SLIT2: variants seen among roughly 807,000 people sequenced by gnomAD.
SLIT2 encodes slit homolog 2 protein.
In SLIT2, 41 loss-of-function variants were observed where a neutral mutation model predicts 185.7. The ratio of observed to expected loss-of-function variants is 0.22; its 90% CI spans 0.17 to 0.29. SLIT2 has a LOEUF of 0.29. SLIT2 is among the 10% of genes least tolerant of loss of function. SLIT2 has a pLI of 1.00. For missense variants in SLIT2, 1,571 were observed against 1,909.0 expected (o/e 0.82, Z 3.30); for synonymous variants, 693 against 680.2 (o/e 1.02, Z -0.29).
At chr4:20,445,670 A>G (rs1270081501) in intron 4 of SLIT2, among the ~76,000 whole-genome samples, 1 of 152,204 alleles carries the variant, frequency 6.6e-6, no homozygotes, top group Middle Eastern at 3.2e-3. Flanking sequence ...ATATTTTTCC[A>G]AGAAAGTGTC....
In SLIT2 at chr4:20,549,074, G is replaced by A. The variant is rs149231040; in HGVS notation, c.2435G>A (p.Arg812His). The A allele has an allele frequency of 4.0e-4, 635 of 1,598,436 alleles. No individual in the cohort carries two copies. Among genetic ancestry groups the A allele is most frequent in the Non-Finnish European group, 5.1e-4 (599 of 1,166,432 alleles). ...QLLTLILSYN[R>H]LRCIPPRTFD... ...GCTTTCAGAATTCTTAGTTACAACC[G>A]TCTGAGATGTATTCCTCCTCGCACC... is the stretch of plus-strand genomic sequence containing the variant. The change falls in exon 24 of 37, where the codon CGT becomes CAT. Residue 812 changes from arginine to histidine, a missense_variant. This residue lies in a region of SLIT2 where 1,202 missense variants were observed against 1,416.4 expected (regional missense o/e 0.85). Coordinates refer to ENST00000504154, the MANE Select transcript of SLIT2 (RefSeq NM_004787.4).
At chr4:20,345,537 C>CTTTTTTTTTTTT (rs149402460) in intron 4 of SLIT2, among the ~76,000 whole-genome samples, 11 of 112,312 alleles carry the variant, frequency 9.8e-5, no homozygotes, top group Non-Finnish European at 1.7e-4. Context: ...TTCCTTTTTT[C>CTTTTTTTTTTTT]TTTTTTCTTT....
chr4:20,254,866 C>T lies in SLIT2; in HGVS notation c.179+872C>T, dbSNP rs1169292360. On this transcript the variant is annotated intron_variant, in intron 1 of 36. Coordinates refer to ENST00000504154, the MANE Select transcript of SLIT2 (RefSeq NM_004787.4). The surrounding 1 kb of genome is among the most constrained non-coding windows in gnomAD (Gnocchi z 5.1). ...CGCCCCTTCACGTGGCAGCAGTTCC[C>T]CTGCCTTCCCCTCTTCGCGCTCCGT... 1 of 453,664 alleles carries T rather than the reference C, an allele frequency of 2.2e-6. No homozygotes were observed. The highest frequency in any genetic ancestry group is 1.6e-5 in the South Asian group (1 of 64,170). The allele number at this position is 453,664 out of a possible 1,614,324, so 28.1% of individuals were successfully genotyped here.
chr4:20,562,598 G>C (rs1353490074), intron 26 of SLIT2, among the ~76,000 whole-genome samples: 1 of 151,676 alleles, frequency 6.6e-6, no homozygotes, highest in Non-Finnish European at 1.5e-5. Flanking sequence ...ACTTGTCTTT[G>C]GTCTCTGAAA....
chr4:20,522,683 TA>T (rs1720939524), intron 12 of SLIT2, among the ~76,000 whole-genome samples: 1 of 151,590 alleles, frequency 6.6e-6, no homozygotes, highest in Admixed American at 6.6e-5. Context: ...ATATAATACA[TA>T]GGGGAAAAAG....
At chr4:20,499,811 G>A (rs1180712471) in intron 9 of SLIT2, among the ~76,000 whole-genome samples, 2 of 152,080 alleles carry the variant, frequency 1.3e-5, no homozygotes, top group East Asian at 3.9e-4. Flanking sequence ...TATATGTAAA[G>A]ATATGCAAGT....
At chr4:20,258,817 A>C (rs1335598986) in intron 3 of SLIT2, among the ~76,000 whole-genome samples, 1 of 151,744 alleles carries the variant, frequency 6.6e-6, no homozygotes, top group African/African-American at 2.4e-5. Context: ...TATTTTAATA[A>C]GTTTTCATGC....
chr4:20,387,701 G>A (rs1345388906), intron 4 of SLIT2, among the ~76,000 whole-genome samples: 1 of 152,104 alleles, frequency 6.6e-6, no homozygotes, highest in Non-Finnish European at 1.5e-5. Flanking sequence ...CAAAAAGAGA[G>A]GCCTCTGAGA....
At position 20,268,828 on chromosome 4, in the gene SLIT2, C is replaced by T. The variant is rs751011141; in HGVS notation, c.342C>T (p.His114=). 2 of 1,610,782 alleles carry T rather than the reference C, an allele frequency of 1.2e-6. No individual in the cohort carries two copies. The highest frequency in any genetic ancestry group is 1.3e-5 in the African/African-American group (1 of 74,750). The change falls in exon 4 of 37, where the codon CAC becomes CAT. Residue 114 remains histidine, a synonymous_variant. Transcript: ENST00000504154. ...TCAAAAGGCGTTTAAACAGAAATCACCTTCAGCTGTTTCCTGAGTTGCTGT... is the reference window on the plus strand; with the variant it reads ...TCAAAAGGCGTTTAAACAGAAATCATCTTCAGCTGTTTCCTGAGTTGCTGT... ...ELERLRLNRN[H]LQLFPELLFL... is the part of the protein sequence containing the mutation.
chr4:20,605,550 G>C (rs182406459), intron 33 of SLIT2, among the ~76,000 whole-genome samples: 54 of 152,202 alleles, frequency 3.5e-4, no homozygotes, highest in African/African-American at 1.3e-3. Context: ...TGGTGAAAGA[G>C]AGTTTATCAA....
chr4:20,538,430 T>C (rs1191962092), intron 18 of SLIT2, among the ~76,000 whole-genome samples: 1 of 136,208 alleles, frequency 7.3e-6, no homozygotes, highest in Non-Finnish European at 1.6e-5. Flanking sequence ...ATCTTATCTG[T>C]GACTTCGCAG....
chr4:20,591,061 G>C (rs953824366), intron 30 of SLIT2, among the ~76,000 whole-genome samples: 2 of 152,178 alleles, frequency 1.3e-5, no homozygotes, highest in African/African-American at 4.8e-5. Flanking sequence ...AGCATTATCT[G>C]TTCCTTCAAG....
chr4:20,581,166 A>G (rs534672477), intron 29 of SLIT2, among the ~76,000 whole-genome samples: 1 of 152,232 alleles, frequency 6.6e-6, no homozygotes, highest in South Asian at 2.1e-4. Context: ...ATTCCTGCCA[A>G]GGATTGTGAG....
intron 6 of SLIT2, among the ~76,000 whole-genome samples, chr4:20,481,557 A>G (rs1046002900): frequency 2.6e-5 from 4 of 152,122 alleles, no homozygotes; most frequent in Non-Finnish European, 5.9e-5. Context: ...ACCAATTAAA[A>G]TATTTTTCTC....
intron 4 of SLIT2, among the ~76,000 whole-genome samples, chr4:20,398,568 A>G (rs755736428): frequency 6.6e-6 from 1 of 151,740 alleles, no homozygotes; most frequent in African/African-American, 2.4e-5. Flanking sequence ...ACTCTCTTTT[A>G]TCATCGCAGG....
intron 4 of SLIT2, among the ~76,000 whole-genome samples, chr4:20,400,518 A>G (rs1325633143): frequency 6.6e-6 from 1 of 151,756 alleles, no homozygotes; most frequent in Non-Finnish European, 1.5e-5. Context: ...AGGGGAGTTC[A>G]TAAGTTGAGC....
At chr4:20,527,054 A>G (rs1254796119) in intron 15 of SLIT2, among the ~76,000 whole-genome samples, 1 of 152,184 alleles carries the variant, frequency 6.6e-6, no homozygotes, top group Non-Finnish European at 1.5e-5. Flanking sequence ...TACCATCGCA[A>G]ACTTCTTATG....
At chr4:20,408,029 G>T (rs1726908723) in intron 4 of SLIT2, among the ~76,000 whole-genome samples, 1 of 152,114 alleles carries the variant, frequency 6.6e-6, no homozygotes, top group Non-Finnish European at 1.5e-5. Flanking sequence ...CGAGAACCGT[G>T]GTGATCAGCA....
chr4:20,504,847 A>G (rs897325483), intron 9 of SLIT2, among the ~76,000 whole-genome samples: 1 of 152,090 alleles, frequency 6.6e-6, no homozygotes, highest in East Asian at 1.9e-4. Flanking sequence ...GTATTTTGAG[A>G]GAGACCACAT....
Sources: gnomAD v4.1 joint callset for allele counts (sites outside exome capture counted in the v4.1 genomes callset) on GRCh38, gnomAD v4.1.1 for gene constraint, gnomAD v4.1.1 regional missense constraint, Gnocchi (gnomAD v3.1) non-coding constraint, MANE v1.5 for transcripts, NCBI Gene and HGNC (gene_info 2026-07-23, HGNC 2026-07-21) for gene names.